ANKRD6: variants seen among roughly 807,000 people sequenced by gnomAD.
The protein encoded by ANKRD6 is ankyrin repeat domain 6, also known as ankyrin repeat domain-containing protein 6.
In ANKRD6, 56 loss-of-function variants were observed where a neutral mutation model predicts 82.3. The ratio of observed to expected loss-of-function variants is 0.68; its 90% confidence interval spans 0.55 to 0.85. The LOEUF (loss-of-function observed/expected upper bound fraction) is 0.85, where lower values mean the gene tolerates loss of function less well. ANKRD6 is among the 40% of genes least tolerant of loss of function. The probability of loss-of-function intolerance (pLI) is 0.00; values close to 1 mark genes in which losing one functional copy is unlikely to be tolerated. For missense variants in ANKRD6, 852 were observed against 907.6 expected, an observed-to-expected ratio of 0.94 and a Z score of 0.79; for synonymous variants, 347 against 352.1, an observed-to-expected ratio of 0.99 and a Z score of 0.16.
At chr6:89,601,682 G>A (rs1369191530) in intron 3 of ANKRD6, 5 of 151,920 alleles carry the variant, frequency 3.3e-5, no homozygotes, top group Admixed American at 6.6e-5. Flanking sequence ...TTACGTATAC[G>A]GTTCAGTGGC....
intron 2 of ANKRD6, among the ~76,000 whole-genome samples, chr6:89,578,446 C>A (rs892992242): frequency 2.0e-5 from 3 of 151,974 alleles, no homozygotes; most frequent in Admixed American, 6.6e-5. Flanking sequence ...CAGACACGTG[C>A]CACCACACCT....
chr6:89,625,315 G>T (rs998582455), intron 13 of ANKRD6, among the ~76,000 whole-genome samples: 35 of 150,934 alleles, frequency 2.3e-4, no homozygotes, highest in African/African-American at 8.5e-4. Flanking sequence ...TATCTTTTTT[G>T]AGTTTTTTTA....
intron 7 of ANKRD6, chr6:89,616,281 C>T: frequency 2.4e-6 from 1 of 422,264 alleles, no homozygotes. Context: ...CCACCATTCT[C>T]AACAACCCAG....
intron 2 of ANKRD6, among the ~76,000 whole-genome samples, chr6:89,573,593 C>T (rs1790441432): frequency 6.6e-6 from 1 of 152,196 alleles, no homozygotes; most frequent in Non-Finnish European, 1.5e-5. Context: ...AACTTTGATA[C>T]TGCACATTCT....
intron 8 of ANKRD6, among the ~76,000 whole-genome samples, chr6:89,617,439 T>G (rs1400320289): frequency 6.6e-6 from 1 of 152,194 alleles, no homozygotes; most frequent in Non-Finnish European, 1.5e-5. Context: ...GAACCTACAT[T>G]ATGGCCATAA....
rs1200310353 is a variant in ANKRD6 at position 89,524,834 on chromosome 6, A to G, written c.-143-42000A>G. Among the ~76,000 whole-genome samples the G allele has an allele frequency of 4.6e-5, 7 of 152,086 alleles. No homozygotes were observed. The East Asian group carries it at 1.4e-3, about 29-fold the overall frequency. On this transcript the variant is annotated intron_variant, in intron 1 of 15. Coordinates refer to ENST00000339746, the MANE Select transcript of ANKRD6 (RefSeq NM_001242809.2). ...TTTTCCATAGTGGTTGTACTAGTTT[A>G]CTTTCCACCAGTAGTGTAAAAGTGT...
In ANKRD6 at chr6:89,606,006, G is replaced by C. The variant is rs1278853839; in HGVS notation, c.319-1G>C. 1 of 1,578,634 alleles carries C rather than the reference G, an allele frequency of 6.3e-7. No homozygotes were observed. The highest frequency in any genetic ancestry group is 8.6e-7 in the Non-Finnish European group (1 of 1,158,022). ...CTTTCCCACCTGTGTGTCTTCCTTA[G>C]GATGGGAATACAGCCTTGCATGAAG... On this transcript the variant is annotated splice_acceptor_variant, in intron 4 of 15. Transcript: ENST00000339746. LOFTEE classifies it high-confidence loss of function.
intron 1 of ANKRD6, among the ~76,000 whole-genome samples, chr6:89,514,310 G>A (rs1583023810): frequency 1.3e-5 from 2 of 152,084 alleles, no homozygotes; most frequent in East Asian, 3.9e-4. Flanking sequence ...CCTGGGGGGC[G>A]GAGGTTGCAG....
At chr6:89,440,739 G>A (rs1771267898) in intron 1 of ANKRD6, among the ~76,000 whole-genome samples, 1 of 151,598 alleles carries the variant, frequency 6.6e-6, no homozygotes, top group Non-Finnish European at 1.5e-5. Flanking sequence ...AGGTTGCAGT[G>A]CAATATGATC....
intron 1 of ANKRD6, among the ~76,000 whole-genome samples, chr6:89,533,185 A>G (rs1007414296): frequency 2.0e-5 from 3 of 151,332 alleles, no homozygotes; most frequent in Non-Finnish European, 2.9e-5. Context: ...GATTTTTTGT[A>G]TTTTTTATGG....
In ANKRD6 at chr6:89,606,141, AG is replaced by A. The variant is rs748836939; in HGVS notation, c.417+38del. On this transcript the variant is annotated intron_variant, in intron 5 of 15. Transcript: ENST00000339746. ...GCAGATGCTAGAATGCCTCATTCAC[AG>A]GTGAGGATGGCTGTGGGTTTCTCCC... 3.4e-6 allele frequency: 5 copies of A among 1,485,384 alleles called. No individual in the cohort carries two copies. In the African/African-American group the frequency reaches 6.9e-5, roughly 21 times the overall value. 92.0% of individuals were successfully genotyped at this position (1,485,384 alleles called of 1,614,324 possible).
At chr6:89,566,521 T>C (rs1788564987) in intron 1 of ANKRD6, among the ~76,000 whole-genome samples, 1 of 152,114 alleles carries the variant, frequency 6.6e-6, no homozygotes, top group Admixed American at 6.5e-5. Flanking sequence ...CAGGTGGTGC[T>C]TAGGGGATTA....
In ANKRD6 at chr6:89,539,741, C is replaced by CTTTTTTTTTTTTTT. The variant is rs570865099; in HGVS notation, c.-143-27080_-143-27079insTTTTTTTTTTTTTT. Among the ~76,000 whole-genome samples the CTTTTTTTTTTTTTT allele has an allele frequency of 1.7e-3, 247 of 142,630 alleles. 1 individual carries two copies. Among genetic ancestry groups the CTTTTTTTTTTTTTT allele is most frequent in the African/African-American group, 6.1e-3 (238 of 38,972 alleles). 93.6% of individuals were successfully genotyped at this position (142,630 alleles called of 152,430 possible). A position where few individuals can be genotyped will look rare whatever the true frequency, so the allele number is the denominator to read the frequency against. On this transcript the variant is annotated intron_variant, in intron 1 of 15. Coordinates refer to ENST00000339746, the MANE Select transcript of ANKRD6 (RefSeq NM_001242809.2). ...GTGCTATCAAATAGTAGGTCTTATT[C>CTTTTTTTTTTTTTT]TTTTTTTTTTTTTACACCCATTAGC...
At chr6:89,434,790 G>C (rs1017896575) in intron 1 of ANKRD6, among the ~76,000 whole-genome samples, 1 of 152,022 alleles carries the variant, frequency 6.6e-6, no homozygotes, top group African/African-American at 2.4e-5. Context: ...GTCATCTTTA[G>C]TATTTGTTTA....
intron 2 of ANKRD6, among the ~76,000 whole-genome samples, chr6:89,589,578 C>A (rs1181081910): frequency 6.6e-6 from 1 of 152,240 alleles, no homozygotes; most frequent in African/African-American, 2.4e-5. Flanking sequence ...AAGATTCCCA[C>A]TCCCAACTGG....
At chr6:89,507,686 A>T (rs991935530) in intron 1 of ANKRD6, among the ~76,000 whole-genome samples, 4 of 152,214 alleles carry the variant, frequency 2.6e-5, no homozygotes, top group African/African-American at 9.6e-5. Flanking sequence ...GCCCTTGCTG[A>T]TAAAAACTGA....
chr6:89,514,990 T>C (rs2127951753), intron 1 of ANKRD6, among the ~76,000 whole-genome samples: 1 of 152,370 alleles, frequency 6.6e-6, no homozygotes, highest in East Asian at 1.9e-4. Context: ...GATAACCTGT[T>C]TGGTGAAATT....
chr6:89,583,847 G>C (rs1299949539), intron 2 of ANKRD6, among the ~76,000 whole-genome samples: 1 of 152,146 alleles, frequency 6.6e-6, no homozygotes, highest in Non-Finnish European at 1.5e-5. Context: ...GGCCCTGTTT[G>C]CCCCCTGCTT....
chr6:89,460,352 C>A (rs964629744), intron 1 of ANKRD6, among the ~76,000 whole-genome samples: 1 of 151,814 alleles, frequency 6.6e-6, no homozygotes, highest in Non-Finnish European at 1.5e-5. Flanking sequence ...TATTTATATG[C>A]CAAAGCAACT....
Sources: allele counts gnomAD v4.1 joint callset (sites outside exome capture counted in the v4.1 genomes callset), GRCh38; gene constraint gnomAD v4.1.1; transcripts MANE v1.5; gene names NCBI Gene and HGNC (gene_info 2026-07-23, HGNC 2026-07-21).